Variants in IGSF5 observed in about 807,000 individuals in gnomAD.
IGSF5 encodes the protein immunoglobulin superfamily member 5.
In IGSF5, 41 loss-of-function variants were observed where a neutral mutation model predicts 39.4. The observed-to-expected ratio is 1.04, with a 90% confidence interval of 0.81 to 1.35. IGSF5 has a LOEUF of 1.35. IGSF5 is among the 40% of genes most tolerant of loss of function. IGSF5 has a pLI of 0.00. For synonymous variants in IGSF5, 183 were observed against 175.3 expected, an observed-to-expected ratio of 1.04 and a Z score of -0.34; for missense variants, 487 against 494.6, an observed-to-expected ratio of 0.98 and a Z score of 0.15.
At chr21:39,713,482 C>A in the IGSF5 span, among the ~76,000 whole-genome samples, 1 of 152,166 alleles carries the variant, frequency 6.6e-6, no homozygotes, top group African/African-American at 2.4e-5. Context: ...AGGGTCTGTG[C>A]TGTGATTCTC....
At chr21:39,721,260 T>C in the IGSF5 span, among the ~76,000 whole-genome samples, 1 of 152,200 alleles carries the variant, frequency 6.6e-6, no homozygotes, top group Non-Finnish European at 1.5e-5. Flanking sequence ...AGCTTCCGTT[T>C]AGTCCCGGTA....
intron 2 of IGSF5, among the ~76,000 whole-genome samples, chr21:39,757,048 C>CG (rs1555941423): frequency 2.6e-5 from 4 of 151,778 alleles, no homozygotes; most frequent in Non-Finnish European, 5.9e-5. Flanking sequence ...ACAGTCCCCC[C>CG]GAGAGCCTTA....
chr21:39,795,313 G>A (rs1185586557), intron 8 of IGSF5, among the ~76,000 whole-genome samples: 3 of 152,076 alleles, frequency 2.0e-5, no homozygotes, highest in South Asian at 4.2e-4. Context: ...TGATTGTTGG[G>A]CTGTGGGGTG....
intron 7 of IGSF5, among the ~76,000 whole-genome samples, 186 bp downstream of exon 7, chr21:39,792,285 C>T (rs929437243): frequency 6.6e-6 from 1 of 152,056 alleles, no homozygotes; most frequent in Non-Finnish European, 1.5e-5. Context: ...CAGTAAAAAT[C>T]CACCTATTTG....
chr21:39,797,876 C>T (rs1273121416), intron 8 of IGSF5, among the ~76,000 whole-genome samples: 1 of 152,202 alleles, frequency 6.6e-6, no homozygotes, highest in Non-Finnish European at 1.5e-5. Flanking sequence ...GATTAGATCA[C>T]TATAGATGAA....
intron 1 of IGSF5, among the ~76,000 whole-genome samples, chr21:39,745,765 C>A (rs1227001414): frequency 6.6e-6 from 1 of 152,194 alleles, no homozygotes; most frequent in Non-Finnish European, 1.5e-5. Context: ...AGTCTTAAGT[C>A]AGGCGGCCAC....
chr21:39,773,432 G>T, intron 4 of IGSF5, among the ~76,000 whole-genome samples: 1 of 150,992 alleles, frequency 6.6e-6, no homozygotes. Context: ...CTCTTAATTG[G>T]CTTTCTTTTG....
rs372997 is a variant in IGSF5, at chr21:39,745,383, C to G, written c.-127C>G. On this transcript the variant is annotated 5_prime_UTR_variant, in exon 1 of 9. Coordinates refer to ENST00000380588, the MANE Select transcript of IGSF5 (RefSeq NM_001080444.2). Reference sequence around the variant, plus strand: ...CCTTAGATCCCTTTGGAGATACAACCTGCTAGAGGAAATGAAAGTCTGAAC... The same window carrying G: ...CCTTAGATCCCTTTGGAGATACAACGTGCTAGAGGAAATGAAAGTCTGAAC... 6.4e-6 allele frequency: 4 copies of G among 624,132 alleles called. No homozygotes were observed. In the African/African-American group the frequency reaches 7.4e-5, roughly 11 times the overall value. 38.7% of individuals were successfully genotyped at this position (624,132 alleles called of 1,614,324 possible). A position where few individuals can be genotyped will look rare whatever the true frequency, so the allele number is the denominator to read the frequency against.
chr21:39,730,650 G>A, the IGSF5 span: 5 of 152,114 alleles, frequency 3.3e-5, no homozygotes, highest in African/African-American at 4.8e-5. Context: ...GTCATTTCTC[G>A]GCCATGCACA....
chr21:39,721,256 C>T, the IGSF5 span, among the ~76,000 whole-genome samples: 4,495 of 152,178 alleles, frequency 0.03, 90 homozygotes, highest in Middle Eastern at 0.044. Flanking sequence ...TTATAGCTTC[C>T]GTTTAGTCCC....
At chr21:39,785,180 A>G (rs866081215) in intron 5 of IGSF5, among the ~76,000 whole-genome samples, 115 of 149,808 alleles carry the variant, frequency 7.7e-4, no homozygotes, top group African/African-American at 2.5e-3. Flanking sequence ...TCCTAATGCT[A>G]TCTCTCCCCC....
In IGSF5 at chr21:39,765,435, A is replaced by T. The variant is rs9784201; in HGVS notation, c.101-100A>T. On this transcript the variant is annotated intron_variant, in intron 2 of 8. Transcript: ENST00000380588. ...CACAGTCTGAGTCACTGGATGGACA[A>T]CCTGGGGGTTACCACTGGTAAATAC... The T allele has an allele frequency of 1.0e-5, 11 of 1,079,838 alleles. No individual in the cohort carries two copies. In the African/African-American group the frequency reaches 1.2e-4, roughly 12 times the overall value. 66.9% of individuals were successfully genotyped at this position (1,079,838 alleles called of 1,614,324 possible).
At chr21:39,748,188 A>T (rs1236103542) in intron 2 of IGSF5, among the ~76,000 whole-genome samples, 2 of 151,446 alleles carry the variant, frequency 1.3e-5, no homozygotes, top group African/African-American at 2.4e-5. Flanking sequence ...TTAAGGTGCC[A>T]GCAGAGTCAG....
chr21:39,785,780 G>T (rs971668720), intron 5 of IGSF5, among the ~76,000 whole-genome samples: 1 of 152,044 alleles, frequency 6.6e-6, no homozygotes, highest in Non-Finnish European at 1.5e-5. Flanking sequence ...CACATCCCTT[G>T]TAAGCTGGAT....
intron 5 of IGSF5, 96 bp downstream of exon 5, chr21:39,779,401 T>G: frequency 7.1e-7 from 1 of 1,417,136 alleles, no homozygotes; most frequent in East Asian, 2.3e-5. Context: ...AAAAGATAGA[T>G]TAACTACAAT....
At chr21:39,716,190 A>C in the IGSF5 span, among the ~76,000 whole-genome samples, 1 of 152,166 alleles carries the variant, frequency 6.6e-6, no homozygotes, top group African/African-American at 2.4e-5. Context: ...GCCCTCCCTC[A>C]TGACTCGTCC....
chr21:39,788,146 T>C lies in IGSF5; in HGVS notation c.935-21T>C, dbSNP rs1569258253. 1.9e-6 allele frequency: 3 copies of C among 1,576,578 alleles called. No individual in the cohort carries two copies. The East Asian group carries it at 6.7e-5, about 35-fold the overall frequency. ...AATAAGTATCCCGATTTTTCCAATG[T>C]AATTTTGTTCTTTTTTGCAGGATTT... On this transcript the variant is annotated intron_variant, in intron 5 of 8. Transcript: ENST00000380588.
chr21:39,792,753 A>T (rs1221601662), intron 7 of IGSF5, among the ~76,000 whole-genome samples: 4 of 152,104 alleles, frequency 2.6e-5, no homozygotes, highest in Non-Finnish European at 5.9e-5. Context: ...TTGCTATGAG[A>T]CAATACAGAG....
the IGSF5 span, among the ~76,000 whole-genome samples, chr21:39,737,879 G>A: frequency 6.6e-6 from 1 of 152,196 alleles, no homozygotes; most frequent in African/African-American, 2.4e-5. Context: ...TTTCTGGAAT[G>A]AGGGCCTTAT....
Sources: gnomAD v4.1 joint callset for allele counts (sites outside exome capture counted in the v4.1 genomes callset) on GRCh38, gnomAD v4.1.1 for gene constraint, MANE v1.5 for transcripts, NCBI Gene and HGNC (gene_info 2026-07-23, HGNC 2026-07-21) for gene names.